UFD1: variants seen among roughly 807,000 people sequenced by gnomAD.
UFD1 encodes the protein ubiquitin recognition factor in ER associated degradation 1, also known as ubiquitin recognition factor in ER-associated degradation protein 1.
UFD1 carries 13 observed loss-of-function variants against 45.9 expected under a neutral mutation model. The observed-to-expected ratio is 0.28, with a 90% confidence interval of 0.18 to 0.45. The LOEUF (loss-of-function observed/expected upper bound fraction) is 0.45. Ranked by LOEUF, UFD1 falls within the 20% of genes least tolerant of loss-of-function variation. The pLI is 1.00. For missense variants in UFD1, 218 were observed against 389.2 expected (o/e 0.56, Z 3.70); for synonymous variants, 128 against 139.2 (o/e 0.92, Z 0.56).
At position 19,468,235 on chromosome 22, in the gene UFD1, C is replaced by T. The variant is rs191631239; in HGVS notation, c.292-232G>A. ...AGCTGTATAGCTCACAGTGTGAACGCATCTCTGCAGGGCTGCCCGGATTAC... is the reference window on the plus strand; with the variant it reads ...AGCTGTATAGCTCACAGTGTGAACGTATCTCTGCAGGGCTGCCCGGATTAC... On this transcript the variant is annotated intron_variant, in intron 4 of 11. Transcript: ENST00000263202. Among the ~76,000 whole-genome samples the T allele has an allele frequency of 3.3e-5, 5 of 152,318 alleles. No individual in the cohort carries two copies. In the East Asian group the frequency reaches 9.6e-4, roughly 29 times the overall value.
At chr22:19,479,012 C>CA in intron 1 of UFD1, 71 bp downstream of exon 1, 23 of 1,491,416 alleles carry the variant, frequency 1.5e-5, no homozygotes, top group East Asian at 4.8e-5. Context: ...CCGCCCCGCC[C>CA]TGCCCCGCCG....
chr22:19,476,267 C>A (rs1601904767), intron 1 of UFD1, among the ~76,000 whole-genome samples: 1 of 152,112 alleles, frequency 6.6e-6, no homozygotes, highest in Non-Finnish European at 1.5e-5. Context: ...ACATTCCAGG[C>A]AGCAGGAAGA....
intron 1 of UFD1, among the ~76,000 whole-genome samples, chr22:19,477,005 T>C (rs1233874016): frequency 1.4e-4 from 2 of 14,376 alleles, no homozygotes; most frequent in Admixed American, 8.1e-4. Context: ...AGACTCCATC[T>C]CAAAAAAAAA....
chr22:19,453,026 CA>C (rs1226956602), intron 11 of UFD1: 11 of 983,756 alleles, frequency 1.1e-5, no homozygotes, highest in Middle Eastern at 5.2e-4. Context: ...GTTCTTCCCA[CA>C]AATCCTCTAT....
intron 6 of UFD1, among the ~76,000 whole-genome samples, chr22:19,460,328 A>C (rs923127042): frequency 1.3e-5 from 2 of 152,136 alleles, no homozygotes; most frequent in Non-Finnish European, 2.9e-5. Context: ...GGCCACAAAT[A>C]ATCAGTGGGT....
rs928217283 is a variant in UFD1, at chr22:19,468,064, C to T, written c.292-61G>A. 1.1e-5 allele frequency: 17 copies of T among 1,601,776 alleles called. No individual in the cohort carries two copies. The Admixed American group carries it at 1.7e-4, about 16-fold the overall frequency. The stretch of plus-strand genomic sequence containing the variant: ...GATGAAGCAGCCTCCACAACCACTG[C>T]TCCCTATACACTGGGCAGGCCCGTC... On this transcript the variant is annotated intron_variant, in intron 4 of 11. Coordinates refer to ENST00000263202, the MANE Select transcript of UFD1 (RefSeq NM_005659.7).
chr22:19,454,638 C>T, intron 11 of UFD1, 111 bp downstream of exon 11: 1 of 1,572,930 alleles, frequency 6.4e-7, no homozygotes, highest in South Asian at 1.2e-5. Flanking sequence ...TTACCAGCAG[C>T]TTGGAAACAG....
intron 3 of UFD1, among the ~76,000 whole-genome samples, chr22:19,473,273 C>T (rs1396201191): frequency 6.6e-6 from 1 of 152,222 alleles, no homozygotes; most frequent in Non-Finnish European, 1.5e-5. Flanking sequence ...CATTTTGTGA[C>T]TTAGAGGCTC....
At position 19,479,134 on chromosome 22, in the gene UFD1, GAA is replaced by G; in HGVS notation, c.-51_-50del. The G allele has an allele frequency of 5.0e-6, 8 of 1,605,048 alleles. No homozygotes were observed. Among genetic ancestry groups the G allele is most frequent in the Non-Finnish European group, 6.8e-6 (8 of 1,176,576 alleles). The stretch of plus-strand genomic sequence containing the variant: ...CGCTCCTCTCAGGCAATGCAACGAA[GAA>G]ACCCCGCCGACCGCTCTCCCAGCCG... On this transcript the variant is annotated 5_prime_UTR_variant, in exon 1 of 12. Transcript: ENST00000263202.
At position 19,467,907 on chromosome 22, in the gene UFD1, G is replaced by T; in HGVS notation, c.388C>A (p.Pro130Thr). Reference protein sequence around the residue: ...ATYSKFQPQSPDFLDITNPKA... With the variant: ...ATYSKFQPQSTDFLDITNPKA... ...GGGTTGGTGATGTCCAGGAAGTCAG[G>T]GCTCTGAGGTTGGAATTTGGAGTAG... The change falls in exon 5 of 12, where the codon CCT (proline) becomes ACT (threonine). Residue 130 changes from proline to threonine, a missense_variant. This residue lies in a region of UFD1 where 149 missense variants were observed against 307.5 expected (regional missense o/e 0.48). Transcript: ENST00000263202. 6.2e-7 allele frequency: 1 copy of T among 1,614,144 alleles called. No individual in the cohort carries two copies. Among genetic ancestry groups the T allele is most frequent in the Non-Finnish European group, 8.5e-7 (1 of 1,180,022 alleles).
chr22:19,475,033 T>C, intron 3 of UFD1, 35 bp downstream of exon 3: 3 of 1,597,812 alleles, frequency 1.9e-6, no homozygotes, highest in South Asian at 2.3e-5. Context: ...ATATGTACAT[T>C]ATCTAAGTCC....
At chr22:19,468,356 C>T (rs1454419751) in intron 4 of UFD1, among the ~76,000 whole-genome samples, 1 of 152,128 alleles carries the variant, frequency 6.6e-6, no homozygotes, top group Admixed American at 6.5e-5. Flanking sequence ...TAAGGCCCTG[C>T]GTCAAGTAGG....
chr22:19,469,524 C>T (rs1406529110), intron 4 of UFD1, among the ~76,000 whole-genome samples: 1 of 152,180 alleles, frequency 6.6e-6, no homozygotes, highest in African/African-American at 2.4e-5. Flanking sequence ...TTAGAGCATA[C>T]AGCACAACGG....
intron 6 of UFD1, among the ~76,000 whole-genome samples, chr22:19,459,687 T>C (rs1364470213): frequency 6.6e-6 from 1 of 151,946 alleles, no homozygotes; most frequent in Non-Finnish European, 1.5e-5. Flanking sequence ...CTATCTACTT[T>C]TTCCTGCATC....
At chr22:19,451,991 T>G (rs543399985) in intron 11 of UFD1, 3 of 961,518 alleles carry the variant, frequency 3.1e-6, no homozygotes, top group South Asian at 9.6e-5. Context: ...GAACACCTCC[T>G]AGGAGCTTCC....
chr22:19,471,703 C>A lies in UFD1; in HGVS notation c.275G>T (p.Cys92Phe). ...CCCACTCACCCAGTGTGGGAGGTAG[C>A]AGATGCCCTCATCAGCCACAAACTC... ...VLEFVADEGI[C>F]YLPHWMMQNL... Residue 92 changes from cysteine (C) to phenylalanine (F), a missense_variant, in exon 4 of 12, where the codon TGC becomes TTC. Transcript: ENST00000263202. 6.2e-7 allele frequency: 1 copy of A among 1,613,210 alleles called. No individual in the cohort carries two copies. The highest frequency in any genetic ancestry group is 1.1e-5 in the South Asian group (1 of 91,044).
intron 7 of UFD1, 90 bp downstream of exon 7, chr22:19,457,980 TG>T: frequency 7.3e-7 from 1 of 1,368,904 alleles, no homozygotes. Context: ...AGGGGCTGTT[TG>T]ATGCCCTCCT....
At chr22:19,456,799 A>G in intron 8 of UFD1, 54 bp downstream of exon 8, 3 of 1,614,054 alleles carry the variant, frequency 1.9e-6, no homozygotes, top group South Asian at 2.2e-5. Context: ...CACTGCCAGG[A>G]ACTCAAAAGC....
intron 11 of UFD1, chr22:19,451,259 C>T (rs2089680611): frequency 1.0e-6 from 1 of 985,588 alleles, no homozygotes; most frequent in Non-Finnish European, 1.2e-6. Context: ...CTAGTATACT[C>T]CCAAGGCTAC....
Sources: allele counts gnomAD v4.1 joint callset (sites outside exome capture counted in the v4.1 genomes callset), GRCh38; gene constraint gnomAD v4.1.1; regional missense constraint gnomAD v4.1.1; transcripts MANE v1.5; gene names NCBI Gene and HGNC (gene_info 2026-07-23, HGNC 2026-07-21).